SLC45A4: variants seen among roughly 807,000 people sequenced by gnomAD.
SLC45A4 encodes the protein solute carrier family 45 member 4, also known as polyamine-transporter SLC45A4.
Under a neutral mutation model 63.7 loss-of-function variants are expected in SLC45A4, and 32 were observed. The observed-to-expected ratio is 0.50, with a 90% CI of 0.38 to 0.67. SLC45A4 has a LOEUF of 0.67. Ranked by LOEUF, SLC45A4 falls within the 30% of genes least tolerant of loss-of-function variation. The pLI, the probability that SLC45A4 is intolerant of heterozygous loss-of-function variation, is 0.00. For synonymous variants in SLC45A4, 535 were observed against 510.0 expected, an observed-to-expected ratio of 1.05 and a Z score of -0.66; for missense variants, 1,027 against 1,157.7, an observed-to-expected ratio of 0.89 and a Z score of 1.64.
Position 141,296,260 on chromosome 8 carries a change from G to T in SLC45A4, c.-401+11836C>A, listed in dbSNP as rs1229231603. 2.0e-5 allele frequency among the ~76,000 whole-genome samples: 3 copies of T among 151,570 alleles called. No individual in the cohort carries two copies. The East Asian group carries it at 5.9e-4, about 30-fold the overall frequency. On this transcript the variant is annotated intron_variant, in intron 1 of 8. Transcript: ENST00000517878. ...GCACGAGAATCGCTTCAATCCAGGA[G>T]GCAGAGGTTGCAGTGAGTTGAAGTG...
In SLC45A4 at chr8:141,291,317, G is replaced by A. The variant is rs575359516; in HGVS notation, c.-401+16779C>T. On this transcript the variant is annotated intron_variant, in intron 1 of 8. Transcript: ENST00000517878. The stretch of plus-strand genomic sequence containing the variant: ...AGAACCAGCCCAGTCTGGAGAAAGA[G>A]GGCTGGGGGACACACACGCGTTCAT... Among the ~76,000 whole-genome samples the A allele has an allele frequency of 2.0e-5, 3 of 152,350 alleles. No homozygotes were observed. The South Asian group carries it at 6.2e-4, about 32-fold the overall frequency.
In SLC45A4 at chr8:141,219,007, G is replaced by A. The variant is rs373221327; in HGVS notation, c.633C>T (p.Tyr211=). Residue 211 remains tyrosine (Y), a synonymous_variant, in exon 5 of 9, where the codon TAC becomes TAT. Transcript: ENST00000517878. The part of the protein sequence containing the change: ...FSAGLGGAIG[Y]VLGGLDWTQT... ...GGGTCCAGTCCAGCCCACCCAGCAC[G>A]TAGCCGATGGCTCCGCCGAGGCCTG... 4.5e-5 allele frequency: 72 copies of A among 1,611,918 alleles called. No individual in the cohort carries two copies. The highest frequency in any genetic ancestry group is 8.9e-5 in the East Asian group (4 of 44,842).
chr8:141,224,352 T>A (rs1431357927), intron 2 of SLC45A4: 2 of 152,262 alleles, frequency 1.3e-5, no homozygotes, highest in Non-Finnish European at 2.9e-5. Flanking sequence ...CTGGTTGGGC[T>A]TTCTGGAGCT....
At chr8:141,301,905 C>T (rs1432285116) in intron 1 of SLC45A4, among the ~76,000 whole-genome samples, 3 of 150,930 alleles carry the variant, frequency 2.0e-5, no homozygotes, top group Non-Finnish European at 4.4e-5. Context: ...AAGGCTGTAG[C>T]GAGCCCTGAT....
At position 141,215,711 on chromosome 8, in the gene SLC45A4, G is replaced by A; in HGVS notation, c.1941+48C>T. 6.3e-7 allele frequency: 1 copy of A among 1,576,820 alleles called. No homozygotes were observed. The highest frequency in any genetic ancestry group is 8.7e-7 in the Non-Finnish European group (1 of 1,154,226). On this transcript the variant is annotated intron_variant, in intron 7 of 8. Coordinates refer to ENST00000517878, the MANE Select transcript of SLC45A4 (RefSeq NM_001286646.2). The surrounding 1 kb of genome is among the most constrained non-coding windows in gnomAD (Gnocchi z 4.3). ...AGGGCTCTGCTCTGTATGGAGGGAA[G>A]GCACTCAGGAGGCTGGAGCGCAGAT...
At chr8:141,294,506 G>A (rs1830471835) in intron 1 of SLC45A4, among the ~76,000 whole-genome samples, 1 of 152,238 alleles carries the variant, frequency 6.6e-6, no homozygotes, top group South Asian at 2.1e-4. Flanking sequence ...GGGACACACG[G>A]TCCCTGCTGG....
At chr8:141,299,990 G>T (rs553681057) in intron 1 of SLC45A4, among the ~76,000 whole-genome samples, 1 of 152,242 alleles carries the variant, frequency 6.6e-6, no homozygotes, top group South Asian at 2.1e-4. Context: ...TTAAACCGCA[G>T]GATTCCTAGA....
intron 1 of SLC45A4, among the ~76,000 whole-genome samples, chr8:141,289,562 G>T (rs1830273786): frequency 6.6e-6 from 1 of 152,190 alleles, no homozygotes; most frequent in Admixed American, 6.5e-5. Context: ...GTATGACTGG[G>T]TTTTCCTTGG....
chr8:141,215,171 C>A lies in SLC45A4; in HGVS notation c.1941+588G>T, dbSNP rs780186203. Reference sequence around the variant, plus strand: ...AAGAGGCAAGAGTCTGCCTGTGCTGCGGCTACTGAGCATTTGAGATAAAGC... The same window carrying A: ...AAGAGGCAAGAGTCTGCCTGTGCTGAGGCTACTGAGCATTTGAGATAAAGC... On this transcript the variant is annotated intron_variant, in intron 7 of 8. Transcript: ENST00000517878. This position sits in a 1 kb window ranked among gnomAD's most constrained non-coding sequence, Gnocchi z 4.3. 6.6e-6 allele frequency among the ~76,000 whole-genome samples: 1 copy of A among 152,198 alleles called. No homozygotes were observed. Among genetic ancestry groups the A allele is most frequent in the Non-Finnish European group, 1.5e-5 (1 of 68,046 alleles).
At position 141,218,476 on chromosome 8, in the gene SLC45A4, G is replaced by T. The variant is rs1449010418; in HGVS notation, c.1164C>A (p.Gly388=). 6.2e-7 allele frequency: 1 copy of T among 1,613,198 alleles called. No homozygotes were observed. The highest frequency in any genetic ancestry group is 1.7e-5 in the Admixed American group (1 of 60,032). Residue 388 remains glycine, a synonymous_variant, in exon 5 of 9, where the codon GGC becomes GGA. Coordinates refer to ENST00000517878, the MANE Select transcript of SLC45A4 (RefSeq NM_001286646.2). The part of the protein sequence containing the change: ...LNEAKVPNGS[G]SPTKDALGGY... ...CGCCGAGGGCGTCTTTTGTGGGGGAGCCACTTCCGTTTGGGACTTTAGCTT... is the reference window on the plus strand; with the variant it reads ...CGCCGAGGGCGTCTTTTGTGGGGGATCCACTTCCGTTTGGGACTTTAGCTT...
intron 2 of SLC45A4, among the ~76,000 whole-genome samples, chr8:141,228,026 C>G (rs554748598): frequency 1.3e-5 from 2 of 152,252 alleles, no homozygotes; most frequent in African/African-American, 4.8e-5. Context: ...AAACCCAGGA[C>G]CCAGCGCCTC....
chr8:141,268,375 G>A (rs760377247), intron 1 of SLC45A4, among the ~76,000 whole-genome samples: 4 of 152,128 alleles, frequency 2.6e-5, no homozygotes, highest in Non-Finnish European at 5.9e-5. Flanking sequence ...AATGGCAGAC[G>A]CATGTCACTA....
chr8:141,277,104 G>C (rs537895371), intron 1 of SLC45A4, among the ~76,000 whole-genome samples: 1 of 152,212 alleles, frequency 6.6e-6, no homozygotes, highest in African/African-American at 2.4e-5. Flanking sequence ...TGAGGAGCCC[G>C]CGCCGCCCTC....
chr8:141,306,661 A>C (rs1448863306), intron 1 of SLC45A4, among the ~76,000 whole-genome samples: 1 of 152,242 alleles, frequency 6.6e-6, no homozygotes, highest in Non-Finnish European at 1.5e-5. Flanking sequence ...TTTTTCCTAA[A>C]GCCAGCACAA....
intron 1 of SLC45A4, among the ~76,000 whole-genome samples, chr8:141,259,826 G>A (rs987116422): frequency 1.3e-5 from 2 of 152,184 alleles, no homozygotes; most frequent in African/African-American, 2.4e-5. Context: ...CATATGCACC[G>A]TTTCCAGCCA....
intron 1 of SLC45A4, among the ~76,000 whole-genome samples, chr8:141,299,138 T>G (rs2154615423): frequency 6.6e-6 from 1 of 152,248 alleles, no homozygotes; most frequent in African/African-American, 2.4e-5. Flanking sequence ...TCACACACCC[T>G]GGTTACCACA....
chr8:141,244,527 A>G (rs540088737), intron 2 of SLC45A4, among the ~76,000 whole-genome samples: 1 of 152,266 alleles, frequency 6.6e-6, no homozygotes, highest in East Asian at 1.9e-4. Flanking sequence ...AACCTTCAGG[A>G]ACAACGGGTG....
chr8:141,288,986 G>A (rs1830254183), intron 1 of SLC45A4, among the ~76,000 whole-genome samples: 1 of 144,130 alleles, frequency 6.9e-6, no homozygotes, highest in African/African-American at 2.4e-5. Flanking sequence ...CGGCGTGGGT[G>A]GGAAAAGAGG....
Position 141,209,444 on chromosome 8 carries a change from C to T in SLC45A4, c.*2128G>A, listed in dbSNP as rs973486157. 1.3e-5 allele frequency: 2 copies of T among 152,372 alleles called. No individual in the cohort carries two copies. The highest frequency in any genetic ancestry group is 4.8e-5 in the African/African-American group (2 of 41,440). The allele number at this position is 152,372 out of a possible 1,614,324, so 9.4% of individuals were successfully genotyped here. On this transcript the variant is annotated 3_prime_UTR_variant, in exon 9 of 9. Transcript: ENST00000517878. ...GTCCCCGCTGTGGCCAGGCCGGGCC[C>T]ACACGCACCGCCAGAGCCCCGGTCA...
Sources: gnomAD v4.1 joint callset for allele counts (sites outside exome capture counted in the v4.1 genomes callset) on GRCh38, gnomAD v4.1.1 for gene constraint, Gnocchi (gnomAD v3.1) non-coding constraint, MANE v1.5 for transcripts, NCBI Gene and HGNC (gene_info 2026-07-23, HGNC 2026-07-21) for gene names.